Variants in SGCD observed in about 807,000 individuals in gnomAD.
SGCD encodes the protein sarcoglycan delta.
SGCD carries 18 observed loss-of-function variants against 36.6 expected under a neutral mutation model. That is an observed-to-expected ratio of 0.49 (90% CI 0.34 to 0.73). The LOEUF is 0.73. Ranked by LOEUF, SGCD falls within the 30% of genes least tolerant of loss-of-function variation. The pLI, the probability that SGCD is intolerant of heterozygous loss-of-function variation, is 0.01. For missense variants in SGCD, 387 were observed against 346.7 expected, an observed-to-expected ratio of 1.12 and a Z score of -0.92; for synonymous variants, 133 against 130.6, an observed-to-expected ratio of 1.02 and a Z score of -0.12.
At chr5:156,601,575 A>G (rs546270151) in intron 6 of SGCD, among the ~76,000 whole-genome samples, 1 of 152,280 alleles carries the variant, frequency 6.6e-6, no homozygotes, top group Admixed American at 6.5e-5. Context: ...CCTGCAGTTT[A>G]ATTCTTCTTG....
chr5:156,502,902 G>A lies in SGCD; in HGVS notation c.193-5699G>A, dbSNP rs190915091. Among the ~76,000 whole-genome samples the A allele has an allele frequency of 9.8e-4, 150 of 152,300 alleles. 1 individual carries two copies. The highest frequency in any genetic ancestry group is 4.3e-4 in the Non-Finnish European group (29 of 68,020). ...AGTTTTGTGTTATATTTTGGAAATA[G>A]AGGCCAGTAACAAAAATTCACACTA... On this transcript the variant is annotated intron_variant, in intron 3 of 8. Coordinates refer to ENST00000337851, the MANE Select transcript of SGCD (RefSeq NM_000337.6).
the SGCD span, among the ~76,000 whole-genome samples, chr5:155,827,937 T>G: frequency 6.6e-6 from 1 of 150,412 alleles, no homozygotes; most frequent in Non-Finnish European, 1.5e-5. Context: ...GTGATCCACC[T>G]GCCTCGGCCT....
intron 1 of SGCD, among the ~76,000 whole-genome samples, chr5:155,972,786 T>G (rs1394481014): frequency 6.6e-6 from 1 of 152,154 alleles, no homozygotes; most frequent in East Asian, 1.9e-4. Context: ...AATTTTTATA[T>G]ATTTATTTTA....
chr5:156,742,215 A>G lies in SGCD; in HGVS notation c.576-15366A>G, dbSNP rs140824002. On this transcript the variant is annotated intron_variant, in intron 7 of 8. Coordinates refer to ENST00000337851, the MANE Select transcript of SGCD (RefSeq NM_000337.6). ...CTTGAGGTTTTATACACAAAGTACC[A>G]TTAACTCAGCGATACGGAAATACTC... 6.8e-3 allele frequency among the ~76,000 whole-genome samples: 1,030 copies of G among 152,250 alleles called. 4 individuals are homozygous for G. Among genetic ancestry groups the G allele is most frequent in the Non-Finnish European group, 0.012 (785 of 68,030 alleles).
chr5:156,166,578 C>G (rs943188001), intron 3 of SGCD, among the ~76,000 whole-genome samples: 1 of 152,208 alleles, frequency 6.6e-6, no homozygotes, highest in Non-Finnish European at 1.5e-5. Context: ...CCTCGGCCTC[C>G]CACAGTGCTG....
chr5:156,612,367 G>A (rs1016250088), intron 6 of SGCD, among the ~76,000 whole-genome samples: 1 of 152,248 alleles, frequency 6.6e-6, no homozygotes, highest in African/African-American at 2.4e-5. Flanking sequence ...GATTATGCCA[G>A]TGACCTAGGC....
At chr5:156,449,642 G>A (rs1158346299) in intron 3 of SGCD, among the ~76,000 whole-genome samples, 1 of 134,046 alleles carries the variant, frequency 7.5e-6, no homozygotes, top group Non-Finnish European at 1.5e-5. Context: ...GACCAGCCTG[G>A]CCAACATGTT....
chr5:156,643,448 A>C (rs140759968), intron 6 of SGCD, among the ~76,000 whole-genome samples: 7 of 152,168 alleles, frequency 4.6e-5, no homozygotes, highest in Non-Finnish European at 8.8e-5. Context: ...AGATTTATTA[A>C]GTTAATTGAA....
At chr5:156,433,942 A>C (rs1221478326) in intron 3 of SGCD, among the ~76,000 whole-genome samples, 1 of 152,232 alleles carries the variant, frequency 6.6e-6, no homozygotes, top group East Asian at 1.9e-4. Flanking sequence ...ACAGCTGCTT[A>C]CATAGCTAAA....
intron 3 of SGCD, among the ~76,000 whole-genome samples, chr5:156,475,633 T>C (rs891825919): frequency 6.6e-6 from 1 of 152,144 alleles, no homozygotes; most frequent in Admixed American, 6.5e-5. Context: ...AAGCCAACAC[T>C]TCCAGCCAAT....
intron 3 of SGCD, among the ~76,000 whole-genome samples, chr5:156,153,248 A>G (rs1762870194): frequency 6.7e-6 from 1 of 150,372 alleles, no homozygotes; most frequent in African/African-American, 2.5e-5. Context: ...TGAGTAAAAA[A>G]TGTTGTTTTT....
chr5:155,780,900 A>G, the SGCD span, among the ~76,000 whole-genome samples: 10,469 of 152,182 alleles, frequency 0.069, 438 homozygotes, highest in Middle Eastern at 0.14. Flanking sequence ...TGTCTCTCAC[A>G]CTTTGTACAA....
chr5:156,262,582 G>A (rs1765895863), intron 3 of SGCD, among the ~76,000 whole-genome samples: 1 of 151,872 alleles, frequency 6.6e-6, no homozygotes, highest in African/African-American at 2.4e-5. Flanking sequence ...GTGGTGTTTG[G>A]TTACATGAGT....
chr5:156,495,478 A>G (rs943162658), intron 3 of SGCD, among the ~76,000 whole-genome samples: 1 of 152,214 alleles, frequency 6.6e-6, no homozygotes, highest in Non-Finnish European at 1.5e-5. Flanking sequence ...AGACACTGTC[A>G]TGTACAACTG....
the SGCD span, among the ~76,000 whole-genome samples, chr5:155,840,457 T>G: frequency 6.7e-6 from 1 of 148,904 alleles, no homozygotes; most frequent in African/African-American, 2.4e-5. Flanking sequence ...TTTTTTTGTA[T>G]TTTTTGTATT....
At chr5:155,744,358 G>T in the SGCD span, among the ~76,000 whole-genome samples, 31 of 152,108 alleles carry the variant, frequency 2.0e-4, no homozygotes, top group Non-Finnish European at 4.1e-4. Context: ...TACTCAGGAG[G>T]CTGAGGCAGG....
intron 3 of SGCD, among the ~76,000 whole-genome samples, chr5:156,228,233 C>T (rs1021949615): frequency 3.3e-5 from 5 of 152,126 alleles, no homozygotes; most frequent in African/African-American, 1.2e-4. Context: ...CTAGTGCTGT[C>T]AGTGGAGTAT....
intron 6 of SGCD, among the ~76,000 whole-genome samples, chr5:156,627,411 ATACT>A (rs1343138148): frequency 6.6e-6 from 1 of 152,184 alleles, no homozygotes; most frequent in African/African-American, 2.4e-5. Context: ...CAAATTAATC[ATACT>A]TACTAGCTTA....
chr5:155,816,795 TA>T, the SGCD span, among the ~76,000 whole-genome samples: 1 of 152,162 alleles, frequency 6.6e-6, no homozygotes, highest in Non-Finnish European at 1.5e-5. Context: ...AATAATAGTA[TA>T]AAAACAATTA....
Sources: gnomAD v4.1 joint callset for allele counts (sites outside exome capture counted in the v4.1 genomes callset) on GRCh38, gnomAD v4.1.1 for gene constraint, MANE v1.5 for transcripts, NCBI Gene and HGNC (gene_info 2026-07-23, HGNC 2026-07-21) for gene names.